Variants in LARGE1 observed in about 807,000 individuals in gnomAD.
LARGE1 encodes the protein xylosyl- and glucuronyltransferase LARGE1.
In LARGE1, 43 loss-of-function variants were observed where a neutral mutation model predicts 87.6. The ratio of observed to expected loss-of-function variants is 0.49; its 90% CI spans 0.38 to 0.63. The LOEUF is 0.63. LARGE1 is among the 30% of genes least tolerant of loss of function. The probability of loss-of-function intolerance (pLI) is 0.00; values close to 1 mark genes in which losing one functional copy is unlikely to be tolerated. For synonymous variants in LARGE1, 434 were observed against 394.6 expected (o/e 1.10, Z -1.18); for missense variants, 802 against 1,000.2 (o/e 0.80, Z 2.67).
intron 10 of LARGE1, among the ~76,000 whole-genome samples, chr22:33,331,221 A>G (rs1937644851): frequency 6.6e-6 from 1 of 152,012 alleles, no homozygotes; most frequent in Non-Finnish European, 1.5e-5. Context: ...CAGATGGTAA[A>G]CCCAAGGCTC....
chr22:33,364,078 G>A lies in LARGE1; in HGVS notation c.1131+17841C>T, dbSNP rs995894263. ...CTATATATTTTTTTTTTTTTGAGACGGAGTCTCGCTCTGTCGCCCAGGCTG... is the reference window on the plus strand; with the variant it reads ...CTATATATTTTTTTTTTTTTGAGACAGAGTCTCGCTCTGTCGCCCAGGCTG... On this transcript the variant is annotated intron_variant, in intron 9 of 14. Transcript: ENST00000397394. Among the ~76,000 whole-genome samples, 83 of 149,650 alleles carry A rather than the reference G, an allele frequency of 5.5e-4. 8 individuals carry two copies. The highest frequency in any genetic ancestry group is 1.0e-3 in the Non-Finnish European group (69 of 67,056).
intron 1 of LARGE1, among the ~76,000 whole-genome samples, chr22:33,809,385 A>G (rs1438688315): frequency 1.3e-5 from 2 of 152,224 alleles, no homozygotes; most frequent in Admixed American, 6.5e-5. Context: ...CATGCCCTCA[A>G]TAAGCAGTGA....
intron 4 of LARGE1, among the ~76,000 whole-genome samples, chr22:33,604,820 A>G (rs1290027696): frequency 1.3e-5 from 2 of 152,176 alleles, no homozygotes; most frequent in Non-Finnish European, 2.9e-5. Flanking sequence ...ATTCAGGCCA[A>G]ACGCCATACC....
chr22:33,370,640 ATGTC>A (rs1401414357), intron 9 of LARGE1, among the ~76,000 whole-genome samples: 1 of 151,942 alleles, frequency 6.6e-6, no homozygotes, highest in African/African-American at 2.4e-5. Flanking sequence ...TTGTGTATGT[ATGTC>A]TATGTGTTTA....
the LARGE1 span, chr22:33,108,734 T>C: frequency 6.6e-6 from 1 of 152,160 alleles, no homozygotes; most frequent in African/African-American, 2.4e-5. Flanking sequence ...TAATTACTAA[T>C]ATTATTATTA....
At chr22:33,901,810 C>G (rs918468705) in intron 1 of LARGE1, among the ~76,000 whole-genome samples, 1 of 152,226 alleles carries the variant, frequency 6.6e-6, no homozygotes, top group African/African-American at 2.4e-5. Context: ...TTAACCACAT[C>G]GTATAGCAAA....
chr22:33,467,445 G>C (rs1769834418), intron 6 of LARGE1, among the ~76,000 whole-genome samples: 1 of 152,204 alleles, frequency 6.6e-6, no homozygotes, highest in African/African-American at 2.4e-5. Context: ...AGAATCCAGA[G>C]AGAAGGCCTT....
At position 33,576,702 on chromosome 22, in the gene LARGE1, A is replaced by G. The variant is rs547534555; in HGVS notation, c.616-11683T>C. Among the ~76,000 whole-genome samples, 45 of 152,302 alleles carry G rather than the reference A, an allele frequency of 3.0e-4. 1 individual carries two copies. Among genetic ancestry groups the G allele is most frequent in the African/African-American group, 1.1e-3 (45 of 41,560 alleles). On this transcript the variant is annotated intron_variant, in intron 5 of 14. Coordinates refer to ENST00000397394, the MANE Select transcript of LARGE1 (RefSeq NM_133642.5). ...TGGAGGATTGGTTCCAGCACCCTCA[A>G]GGATACCAAAATCCTCAGGTGCACA...
At chr22:33,529,728 T>C (rs1037608323) in intron 6 of LARGE1, among the ~76,000 whole-genome samples, 1 of 152,284 alleles carries the variant, frequency 6.6e-6, no homozygotes, top group South Asian at 2.1e-4. Context: ...AGATGCAGGA[T>C]GGTAAAATAG....
At chr22:33,906,204 T>C (rs1304914738) in intron 1 of LARGE1, among the ~76,000 whole-genome samples, 9 of 151,882 alleles carry the variant, frequency 5.9e-5, no homozygotes, top group Admixed American at 3.9e-4. Flanking sequence ...GAAAGGAGGA[T>C]TGGGAGAACC....
At chr22:33,124,701 G>T in the LARGE1 span, among the ~76,000 whole-genome samples, 2 of 152,288 alleles carry the variant, frequency 1.3e-5, no homozygotes, top group East Asian at 3.9e-4. Context: ...GCTTTGCTCA[G>T]GAAAGAACTC....
exon 12 of LARGE1, chr22:33,163,728 G>A (rs1269375905): frequency 6.6e-6 from 1 of 152,182 alleles, no homozygotes; most frequent in Non-Finnish European, 1.5e-5. Flanking sequence ...CATGGAAAAA[G>A]TCTTGTAGGA....
chr22:33,392,731 ATGGCATC>A (rs2065578525), intron 7 of LARGE1, among the ~76,000 whole-genome samples: 2 of 152,188 alleles, frequency 1.3e-5, no homozygotes, highest in African/African-American at 4.8e-5. Context: ...AAAGATTTAA[ATGGCATC>A]TGGTACAGTG....
intron 1 of LARGE1, among the ~76,000 whole-genome samples, chr22:33,891,240 T>C (rs2146832348): frequency 6.6e-6 from 1 of 152,314 alleles, no homozygotes; most frequent in Middle Eastern, 3.4e-3. Context: ...TATAAAAATT[T>C]CCAATATCTC....
intron 2 of LARGE1, among the ~76,000 whole-genome samples, chr22:33,749,085 T>C (rs2084212918): frequency 6.6e-6 from 1 of 152,258 alleles, no homozygotes; most frequent in African/African-American, 2.4e-5. Flanking sequence ...TCATTTAGTC[T>C]TTATAACAGC....
intron 9 of LARGE1, among the ~76,000 whole-genome samples, chr22:33,381,510 C>T (rs1367650528): frequency 6.6e-6 from 1 of 152,160 alleles, no homozygotes; most frequent in East Asian, 1.9e-4. Flanking sequence ...TACTTCTTTG[C>T]ACATTTCTCT....
chr22:33,266,113 A>C (rs2145762976), intron 11 of LARGE1, among the ~76,000 whole-genome samples: 1 of 152,044 alleles, frequency 6.6e-6, no homozygotes, highest in African/African-American at 2.4e-5. Flanking sequence ...TGAGAATATA[A>C]GATGGGATAA....
chr22:33,680,634 T>C (rs1262205293), intron 2 of LARGE1, among the ~76,000 whole-genome samples: 1 of 152,152 alleles, frequency 6.6e-6, no homozygotes, highest in Non-Finnish European at 1.5e-5. Context: ...ATGAACAGAC[T>C]GTTAGCTTTT....
the LARGE1 span, among the ~76,000 whole-genome samples, chr22:33,087,858 C>T: frequency 1.3e-5 from 2 of 152,124 alleles, no homozygotes; most frequent in Middle Eastern, 3.2e-3. Flanking sequence ...TCCCTTGAAT[C>T]GGGAGGTGGA....
Sources: gnomAD v4.1 joint callset for allele counts (sites outside exome capture counted in the v4.1 genomes callset) on GRCh38, gnomAD v4.1.1 for gene constraint, MANE v1.5 for transcripts, NCBI Gene and HGNC (gene_info 2026-07-23, HGNC 2026-07-21) for gene names.